The following EFCAB6 variants were observed in gnomAD, a reference collection of about 807,000 sequenced individuals.
EFCAB6 encodes the protein EF-hand calcium-binding domain-containing protein 6.
EFCAB6 carries 156 observed loss-of-function variants against 169.8 expected under a neutral mutation model. The observed-to-expected ratio is 0.92, with a 90% confidence interval of 0.81 to 1.05. EFCAB6 has a LOEUF of 1.05. Ranked by LOEUF, EFCAB6 falls within the 50% of genes least tolerant of loss-of-function variation. The probability of loss-of-function intolerance (pLI) is 0.00; values close to 1 mark genes in which losing one functional copy is unlikely to be tolerated. For missense variants in EFCAB6, 1,800 were observed against 1,829.1 expected (o/e 0.98, Z 0.29); for synonymous variants, 698 against 676.4 (o/e 1.03, Z -0.50).
At chr22:43,540,048 G>T in intron 28 of EFCAB6, 79 bp downstream of exon 28, 1 of 1,517,514 alleles carries the variant, frequency 6.6e-7, no homozygotes, top group Non-Finnish European at 9.0e-7. Context: ...GCCATAGTAG[G>T]GCCCCCAAAG....
At chr22:43,541,824 A>T (rs1250761212) in intron 27 of EFCAB6, among the ~76,000 whole-genome samples, 1 of 152,184 alleles carries the variant, frequency 6.6e-6, no homozygotes, top group African/African-American at 2.4e-5. Flanking sequence ...CCTGGCCTGG[A>T]AGCTCCCTGC....
chr22:43,543,322 C>T (rs535441259), intron 27 of EFCAB6, among the ~76,000 whole-genome samples: 13 of 152,198 alleles, frequency 8.5e-5, no homozygotes, highest in Admixed American at 3.9e-4. Context: ...GGGACCCAGC[C>T]ACCAGGGCGG....
At position 43,585,452 on chromosome 22, in the gene EFCAB6, A is replaced by G. The variant is rs190893391; in HGVS notation, c.3032+4622T>C. ...GAAAAAAAGAACGGGGAGAGGGTGG[A>G]TAGGACAAGATATCCAAAGACTGGG... On this transcript the variant is annotated intron_variant, in intron 24 of 31. Coordinates refer to ENST00000262726, the MANE Select transcript of EFCAB6 (RefSeq NM_022785.4). Among the ~76,000 whole-genome samples, 5 of 152,308 alleles carry G rather than the reference A, an allele frequency of 3.3e-5. No homozygotes were observed. In the East Asian group the frequency reaches 5.8e-4, roughly 18 times the overall value.
At chr22:43,575,276 C>T (rs551696508) in intron 26 of EFCAB6, among the ~76,000 whole-genome samples, 5 of 151,974 alleles carry the variant, frequency 3.3e-5, no homozygotes, top group Admixed American at 6.5e-5. Flanking sequence ...CTGCAACCTC[C>T]GCCTCCTGGG....
chr22:43,573,493 A>T (rs1036811051), intron 26 of EFCAB6, among the ~76,000 whole-genome samples: 19 of 152,062 alleles, frequency 1.2e-4, no homozygotes, highest in African/African-American at 4.6e-4. Context: ...GCACTTTGGG[A>T]GGCCGAGGCT....
intron 12 of EFCAB6, 173 bp downstream of exon 12, chr22:43,683,574 C>T (rs960443143): frequency 8.5e-6 from 5 of 586,060 alleles, no homozygotes; most frequent in African/African-American, 3.7e-5. Context: ...CCCTTGAGCT[C>T]GGGGCTTCTA....
chr22:43,737,750 TAC>T (rs944149050), intron 6 of EFCAB6, among the ~76,000 whole-genome samples: 13 of 143,180 alleles, frequency 9.1e-5, no homozygotes, highest in Admixed American at 1.4e-4. Flanking sequence ...CATGCACAGA[TAC>T]AGGCATACAC....
intron 17 of EFCAB6, among the ~76,000 whole-genome samples, chr22:43,656,196 C>G (rs137754): frequency 0.55 from 83,990 of 151,724 alleles, 23,549 homozygotes; most frequent in East Asian, 0.77. Flanking sequence ...TTTGATACCA[C>G]CCTGACCAAC....
intron 23 of EFCAB6, among the ~76,000 whole-genome samples, chr22:43,596,100 C>T (rs555114119): frequency 3.9e-5 from 6 of 152,108 alleles, no homozygotes; most frequent in Non-Finnish European, 4.4e-5. Context: ...AATACCTCAA[C>T]ACAATATAGG....
At chr22:43,652,387 A>G (rs1045475969) in intron 17 of EFCAB6, among the ~76,000 whole-genome samples, 2 of 152,174 alleles carry the variant, frequency 1.3e-5, no homozygotes, top group African/African-American at 4.8e-5. Context: ...TTCCCCAGCC[A>G]TGTGGAACTG....
intron 26 of EFCAB6, among the ~76,000 whole-genome samples, chr22:43,556,730 C>A (rs924777174): frequency 1.3e-5 from 2 of 152,172 alleles, no homozygotes; most frequent in Non-Finnish European, 2.9e-5. Context: ...GGAATGTCCT[C>A]AGAAATCTAA....
intron 26 of EFCAB6, among the ~76,000 whole-genome samples, chr22:43,560,530 A>T (rs1206165710): frequency 1.3e-5 from 2 of 152,212 alleles, no homozygotes; most frequent in Admixed American, 6.5e-5. Context: ...AACCTTGGGT[A>T]GGGGCAGCCA....
At chr22:43,589,502 T>C (rs1009551143) in intron 24 of EFCAB6, among the ~76,000 whole-genome samples, 42 of 152,052 alleles carry the variant, frequency 2.8e-4, no homozygotes, top group African/African-American at 8.9e-4. Flanking sequence ...TAAAAATTAA[T>C]GTTGGCTGGG....
chr22:43,782,136 G>A, intron 3 of EFCAB6, 44 bp downstream of exon 3: 1 of 1,574,406 alleles, frequency 6.4e-7, no homozygotes, highest in African/African-American at 1.4e-5. Context: ...ATACATATAA[G>A]TGATATCTAC....
chr22:43,559,205 A>G (rs1240219446), intron 26 of EFCAB6, among the ~76,000 whole-genome samples: 1 of 152,266 alleles, frequency 6.6e-6, no homozygotes, highest in Non-Finnish European at 1.5e-5. Flanking sequence ...GGCAAAGGAT[A>G]TGAACAGACA....
intron 4 of EFCAB6, among the ~76,000 whole-genome samples, chr22:43,771,352 C>T (rs943798548): frequency 6.6e-6 from 1 of 152,158 alleles, no homozygotes; most frequent in African/African-American, 2.4e-5. Context: ...ATCACTTGAA[C>T]TCTGGAGACG....
intron 24 of EFCAB6, among the ~76,000 whole-genome samples, chr22:43,583,558 C>T (rs2050869540): frequency 2.0e-5 from 3 of 151,556 alleles, no homozygotes; most frequent in Non-Finnish European, 1.5e-5. Flanking sequence ...CTATTTGTGT[C>T]CCCTCAAAAT....
At chr22:43,694,783 A>G (rs1354732550) in intron 10 of EFCAB6, among the ~76,000 whole-genome samples, 1 of 152,012 alleles carries the variant, frequency 6.6e-6, no homozygotes, top group African/African-American at 2.4e-5. Context: ...TCAGCAAACA[A>G]GTAATAGAAA....
intron 17 of EFCAB6, among the ~76,000 whole-genome samples, chr22:43,663,467 A>C (rs1255520800): frequency 6.6e-6 from 1 of 152,240 alleles, no homozygotes; most frequent in African/African-American, 2.4e-5. Flanking sequence ...ATAATGCTTT[A>C]TAGCTTATGA....
Sources: allele counts gnomAD v4.1 joint callset (sites outside exome capture counted in the v4.1 genomes callset), GRCh38; gene constraint gnomAD v4.1.1; transcripts MANE v1.5; gene names NCBI Gene and HGNC (gene_info 2026-07-23, HGNC 2026-07-21).